The following DGKG variants were observed in gnomAD, a reference collection of about 807,000 sequenced individuals.
DGKG encodes the protein diacylglycerol kinase gamma.
In DGKG, 78 loss-of-function variants were observed where a neutral mutation model predicts 105.3. That is an observed-to-expected ratio of 0.74 (90% CI 0.62 to 0.89). DGKG has a LOEUF of 0.89. Among genes scored for constraint, DGKG ranks in the 40% least tolerant of loss-of-function variants. DGKG has a pLI of 0.00. For missense variants in DGKG, 958 were observed against 1,020.1 expected, an observed-to-expected ratio of 0.94 and a Z score of 0.83; for synonymous variants, 346 against 367.1, an observed-to-expected ratio of 0.94 and a Z score of 0.66.
At chr3:186,270,057 C>A (rs1001339776) in intron 11 of DGKG, among the ~76,000 whole-genome samples, 1 of 152,176 alleles carries the variant, frequency 6.6e-6, no homozygotes, top group Admixed American at 6.5e-5. Flanking sequence ...CCTGAAGTGC[C>A]TAGCCACAAG....
intron 21 of DGKG, among the ~76,000 whole-genome samples, chr3:186,190,043 C>T (rs552802452): frequency 1.3e-5 from 2 of 152,244 alleles, no homozygotes; most frequent in African/African-American, 4.8e-5. Flanking sequence ...TCCTAATAAT[C>T]CTATAAGTTA....
chr3:186,148,174 T>A lies in DGKG; in HGVS notation c.*1916A>T. On this transcript the variant is annotated 3_prime_UTR_variant, in exon 25 of 25. Transcript: ENST00000265022. Reference sequence around the variant, plus strand: ...ATGAAGCTCTGCATGGCCTTGCCCTTGGGAAAGGATGGTAATGCTGGCACT... The same window carrying A: ...ATGAAGCTCTGCATGGCCTTGCCCTAGGGAAAGGATGGTAATGCTGGCACT... 1.0e-6 allele frequency: 1 copy of A among 985,440 alleles called. No homozygotes were observed. The highest frequency in any genetic ancestry group is 1.2e-6 in the Non-Finnish European group (1 of 829,980). The allele number at this position is 985,440 out of a possible 1,614,324, so 61.0% of individuals were successfully genotyped here. A position where few individuals can be genotyped will look rare whatever the true frequency, so the allele number is the denominator to read the frequency against.
chr3:186,228,214 A>G (rs1429004114), intron 20 of DGKG, among the ~76,000 whole-genome samples: 2 of 152,162 alleles, frequency 1.3e-5, no homozygotes, highest in Non-Finnish European at 2.9e-5. Flanking sequence ...GTTGGTTTCC[A>G]TAGTTTTTCC....
chr3:186,339,788 A>T (rs2108659301), intron 1 of DGKG, among the ~76,000 whole-genome samples: 1 of 152,280 alleles, frequency 6.6e-6, no homozygotes, highest in Non-Finnish European at 1.5e-5. Context: ...GTACCCGGAA[A>T]TCTATATCTG....
chr3:186,297,747 G>A (rs1225506460), intron 4 of DGKG, among the ~76,000 whole-genome samples: 1 of 152,160 alleles, frequency 6.6e-6, no homozygotes, highest in African/African-American at 2.4e-5. Context: ...AGCTGAATGT[G>A]CTCCATCCGT....
chr3:186,316,523 C>T (rs372794735), intron 2 of DGKG, among the ~76,000 whole-genome samples: 5 of 152,142 alleles, frequency 3.3e-5, no homozygotes, highest in East Asian at 1.9e-4. Flanking sequence ...ATACAAATTT[C>T]TTAATATCAC....
intron 21 of DGKG, 55 bp downstream of exon 21, chr3:186,211,740 C>G: frequency 7.9e-7 from 1 of 1,270,270 alleles, no homozygotes. Flanking sequence ...GCATGTGTGA[C>G]AGTCCAGGAG....
intron 2 of DGKG, among the ~76,000 whole-genome samples, chr3:186,308,066 AC>A (rs1024876506): frequency 1.3e-5 from 2 of 150,338 alleles, no homozygotes; most frequent in African/African-American, 2.4e-5. Context: ...TGAGGCCTCC[AC>A]CCCCCGCCAT....
chr3:186,161,666 G>C lies in DGKG; in HGVS notation c.2217-3C>G. 1 of 1,614,146 alleles carries C rather than the reference G, an allele frequency of 6.2e-7. No homozygotes were observed. The highest frequency in any genetic ancestry group is 8.5e-7 in the Non-Finnish European group (1 of 1,180,022). ...GCATTGGCAGCAGCTTGTTTGTCCT[G>C]GAACCCAGAACACCAAGAGAACACA... On this transcript the variant is annotated splice_polypyrimidine_tract_variant and splice_region_variant and intron_variant, in intron 23 of 24. Coordinates refer to ENST00000265022, the MANE Select transcript of DGKG (RefSeq NM_001346.3).
chr3:186,322,501 A>G (rs1305372857), intron 1 of DGKG, among the ~76,000 whole-genome samples: 1 of 152,188 alleles, frequency 6.6e-6, no homozygotes, highest in Non-Finnish European at 1.5e-5. Context: ...GAGTGACAAA[A>G]TAATCTGTAC....
intron 2 of DGKG, among the ~76,000 whole-genome samples, chr3:186,316,862 T>C (rs541169634): frequency 4.6e-5 from 7 of 152,368 alleles, no homozygotes; most frequent in African/African-American, 1.7e-4. Context: ...GTGGTTGCTA[T>C]GGCAATGCAA....
At chr3:186,158,566 G>C (rs1161511822) in intron 24 of DGKG, 7 of 946,642 alleles carry the variant, frequency 7.4e-6, no homozygotes, top group African/African-American at 5.3e-5. Flanking sequence ...GGAGCTTTTT[G>C]CCTTGTAAAC....
intron 24 of DGKG, chr3:186,158,456 A>G: frequency 1.0e-6 from 1 of 973,940 alleles, no homozygotes; most frequent in Non-Finnish European, 1.2e-6. Context: ...CCAAGTGACT[A>G]AATTTTGTTT....
At chr3:186,303,471 C>T (rs191964721) in intron 3 of DGKG, among the ~76,000 whole-genome samples, 175 of 152,316 alleles carry the variant, frequency 1.1e-3, no homozygotes, top group African/African-American at 3.7e-3. Flanking sequence ...CTTACACAGA[C>T]CAAGAAGAGA....
intron 7 of DGKG, among the ~76,000 whole-genome samples, chr3:186,282,427 G>A (rs895956772): frequency 1.3e-5 from 2 of 152,152 alleles, no homozygotes; most frequent in Non-Finnish European, 2.9e-5. Flanking sequence ...CCTTTAAAAC[G>A]TATCTGGAAT....
intron 20 of DGKG, among the ~76,000 whole-genome samples, chr3:186,229,574 A>G (rs975941876): frequency 3.3e-5 from 5 of 152,142 alleles, no homozygotes; most frequent in Admixed American, 3.3e-4. Context: ...CTACGAGCGA[A>G]TACATTTCTG....
At position 186,357,491 on chromosome 3, in the gene DGKG, T is replaced by C. The variant is rs114329866; in HGVS notation, c.-249+4455A>G. ...TGAGTTTCAATCTCAGTCTCTCCTA[T>C]CAGCTTTGTGACCATAGGCAAATTA... On this transcript the variant is annotated intron_variant, in intron 1 of 24. Coordinates refer to ENST00000265022, the MANE Select transcript of DGKG (RefSeq NM_001346.3). 6.9e-3 allele frequency among the ~76,000 whole-genome samples: 1,044 copies of C among 152,330 alleles called. 8 individuals are homozygous for C. Among genetic ancestry groups the C allele is most frequent in the African/African-American group, 0.024 (979 of 41,568 alleles).
At chr3:186,345,708 T>C (rs1314280096) in intron 1 of DGKG, among the ~76,000 whole-genome samples, 1 of 152,250 alleles carries the variant, frequency 6.6e-6, no homozygotes, top group Non-Finnish European at 1.5e-5. Context: ...CAAATTTTTC[T>C]CAGGATTTTT....
At chr3:186,163,256 C>G (rs1165689353) in intron 23 of DGKG, among the ~76,000 whole-genome samples, 1 of 151,952 alleles carries the variant, frequency 6.6e-6, no homozygotes, top group South Asian at 2.1e-4. Flanking sequence ...TTTCCCTCCT[C>G]AAGCTTCCCA....
Sources: allele counts gnomAD v4.1 joint callset (sites outside exome capture counted in the v4.1 genomes callset), GRCh38; gene constraint gnomAD v4.1.1; transcripts MANE v1.5; gene names NCBI Gene and HGNC (gene_info 2026-07-23, HGNC 2026-07-21).